The following PPP3R1 variants were observed in gnomAD, a reference collection of about 807,000 sequenced individuals.
The protein encoded by PPP3R1 is calcineurin subunit B type 1.
In PPP3R1, 5 loss-of-function variants were observed where a neutral mutation model predicts 22.6. The ratio of observed to expected loss-of-function variants is 0.22; its 90% CI spans 0.12 to 0.46. The LOEUF (loss-of-function observed/expected upper bound fraction) is 0.46, where lower values mean the gene tolerates loss of function less well. PPP3R1 is among the 20% of genes least tolerant of loss of function. The pLI is 0.99. For missense variants in PPP3R1, 61 were observed against 203.2 expected, an observed-to-expected ratio of 0.30 and a Z score of 4.25; for synonymous variants, 56 against 65.2, an observed-to-expected ratio of 0.86 and a Z score of 0.68.
chr2:68,218,305 C>T (rs573053132), intron 1 of PPP3R1, among the ~76,000 whole-genome samples: 1 of 152,166 alleles, frequency 6.6e-6, no homozygotes, highest in South Asian at 2.1e-4. Context: ...TACCTTTAAT[C>T]TTATGTAAAC....
At chr2:68,194,259 C>G (rs565280759) in intron 2 of PPP3R1, among the ~76,000 whole-genome samples, 2 of 152,148 alleles carry the variant, frequency 1.3e-5, no homozygotes, top group African/African-American at 4.8e-5. Flanking sequence ...ATTGTTTATA[C>G]AGAAAACAGA....
intron 2 of PPP3R1, among the ~76,000 whole-genome samples, chr2:68,198,184 TAA>T (rs1491354683): frequency 1.4e-5 from 2 of 143,314 alleles, no homozygotes; most frequent in Admixed American, 7.0e-5. Flanking sequence ...CATGTATATA[TAA>T]TATATATTTA....
At chr2:68,232,251 GTGTGTGTGTGTGTGTA>G (rs1558641508) in intron 1 of PPP3R1, among the ~76,000 whole-genome samples, 2,865 of 77,472 alleles carry the variant, frequency 0.037, 134 homozygotes, top group African/African-American at 0.15. Flanking sequence ...GTGTGTGTGT[GTGTGTGTGTGTGTGTA>G]TATATATATA....
chr2:68,250,699 G>T (rs939629387), intron 1 of PPP3R1, among the ~76,000 whole-genome samples: 1 of 152,196 alleles, frequency 6.6e-6, no homozygotes, highest in South Asian at 2.1e-4. Flanking sequence ...AGTTGGCAAG[G>T]AAAAACTTTC....
At chr2:68,222,729 T>C (rs1268883179) in intron 1 of PPP3R1, among the ~76,000 whole-genome samples, 1 of 152,180 alleles carries the variant, frequency 6.6e-6, no homozygotes, top group Non-Finnish European at 1.5e-5. Flanking sequence ...TCCATAATCA[T>C]GTGAGGCAAT....
chr2:68,238,486 A>T (rs903998485), intron 1 of PPP3R1, among the ~76,000 whole-genome samples: 6 of 152,192 alleles, frequency 3.9e-5, no homozygotes, highest in African/African-American at 1.2e-4. Context: ...CAGCAGTTTG[A>T]ACCAGTTACA....
intron 2 of PPP3R1, 36 bp downstream of exon 2, chr2:68,217,056 A>G: frequency 6.7e-7 from 1 of 1,497,968 alleles, no homozygotes; most frequent in South Asian, 1.2e-5. Context: ...AGATGAGTGA[A>G]TAAAAGTAAC....
chr2:68,217,166 T>G, intron 1 of PPP3R1, 35 bp from the exon 2 acceptor site: 1 of 1,491,024 alleles, frequency 6.7e-7, no homozygotes, highest in Non-Finnish European at 9.2e-7. Flanking sequence ...AGTCATAAAA[T>G]AGGCACAAAT....
At chr2:68,207,936 G>A (rs768826068) in intron 2 of PPP3R1, among the ~76,000 whole-genome samples, 7 of 152,150 alleles carry the variant, frequency 4.6e-5, no homozygotes, top group South Asian at 2.1e-4. Flanking sequence ...CAGGCGGCTC[G>A]CCTGGGATCA....
At chr2:68,196,611 A>G (rs906472097) in intron 2 of PPP3R1, among the ~76,000 whole-genome samples, 1 of 152,252 alleles carries the variant, frequency 6.6e-6, no homozygotes, top group Admixed American at 6.5e-5. Flanking sequence ...GCAAAAAGTA[A>G]TGAGTCTTTT....
At chr2:68,246,538 T>C (rs1670239990) in intron 1 of PPP3R1, among the ~76,000 whole-genome samples, 1 of 152,192 alleles carries the variant, frequency 6.6e-6, no homozygotes, top group Non-Finnish European at 1.5e-5. Context: ...GACCAAGTCA[T>C]CAAAACTCTC....
chr2:68,222,368 C>T (rs1669700915), intron 1 of PPP3R1, among the ~76,000 whole-genome samples: 1 of 152,096 alleles, frequency 6.6e-6, no homozygotes, highest in African/African-American at 2.4e-5. Flanking sequence ...CCTAACTGGG[C>T]CAAGGGATGC....
chr2:68,230,011 C>CACACACACAT (rs1421392496), intron 1 of PPP3R1, among the ~76,000 whole-genome samples: 55 of 139,648 alleles, frequency 3.9e-4, no homozygotes, highest in African/African-American at 1.3e-3. Context: ...CACACACACA[C>CACACACACAT]ATATATATTT....
chr2:68,221,962 T>C (rs1048244352), intron 1 of PPP3R1, among the ~76,000 whole-genome samples: 3 of 151,714 alleles, frequency 2.0e-5, no homozygotes, highest in African/African-American at 4.8e-5. Context: ...ATATGTTCAC[T>C]ACAAAAAAAA....
chr2:68,207,221 T>TAA (rs11317544), intron 2 of PPP3R1, among the ~76,000 whole-genome samples: 8 of 132,690 alleles, frequency 6.0e-5, no homozygotes, highest in South Asian at 2.3e-4. Context: ...GAAAATATGA[T>TAA]AAAAAAAAAA....
At position 68,180,575 on chromosome 2, in the gene PPP3R1, GTATAT is replaced by G. The variant is rs758631487; in HGVS notation, c.*383_*387del. The stretch of plus-strand genomic sequence containing the variant: ...CTCTATTGTTTTGTTTCTGAATCAA[GTATAT>G]TAAATTAAAGCCAACCTACTACATA... On this transcript the variant is annotated 3_prime_UTR_variant, in exon 6 of 6. Transcript: ENST00000234310. 30 of 153,296 alleles carry G rather than the reference GTATAT, an allele frequency of 2.0e-4. No homozygotes were observed. The highest frequency in any genetic ancestry group is 4.1e-4 in the South Asian group (2 of 4,842). 9.5% of individuals were successfully genotyped at this position (153,296 alleles called of 1,614,324 possible).
chr2:68,207,762 C>T (rs1459982807), intron 2 of PPP3R1, among the ~76,000 whole-genome samples: 1 of 152,222 alleles, frequency 6.6e-6, no homozygotes, highest in African/African-American at 2.4e-5. Flanking sequence ...TCTTTCTTTC[C>T]ACTATCAAGT....
intron 1 of PPP3R1, among the ~76,000 whole-genome samples, chr2:68,232,025 C>T (rs1183329484): frequency 2.0e-5 from 3 of 149,248 alleles, no homozygotes; most frequent in African/African-American, 7.4e-5. Context: ...TTTGGGAGGC[C>T]AAGGCGGGCA....
chr2:68,202,225 T>C (rs1674993345), intron 2 of PPP3R1, among the ~76,000 whole-genome samples: 1 of 152,200 alleles, frequency 6.6e-6, no homozygotes, highest in African/African-American at 2.4e-5. Flanking sequence ...TAGCTAGACT[T>C]TTTCACTAGC....
Sources: allele counts gnomAD v4.1 joint callset (sites outside exome capture counted in the v4.1 genomes callset), GRCh38; gene constraint gnomAD v4.1.1; transcripts MANE v1.5; gene names NCBI Gene and HGNC (gene_info 2026-07-23, HGNC 2026-07-21).